Variants in METTL4 observed in about 807,000 individuals in gnomAD.
The protein encoded by METTL4 is methyltransferase 4, N6-adenosine.
In METTL4, 40 loss-of-function variants were observed where a neutral mutation model predicts 54.0. The ratio of observed to expected loss-of-function variants is 0.74; its 90% confidence interval spans 0.58 to 0.96. The LOEUF (loss-of-function observed/expected upper bound fraction) is 0.96, where lower values mean the gene tolerates loss of function less well. Ranked by LOEUF, METTL4 falls within the 50% of genes least tolerant of loss-of-function variation. METTL4 has a pLI of 0.00. For missense variants in METTL4, 525 were observed against 549.0 expected, an observed-to-expected ratio of 0.96 and a Z score of 0.44; for synonymous variants, 169 against 183.8, an observed-to-expected ratio of 0.92 and a Z score of 0.65.
chr18:2,552,716 T>G lies in METTL4; in HGVS notation c.878A>C (p.Lys293Thr). ...VIVIDPPWQN[K>T]SVKRSNRYSY... ...TTACCTATTACTTCTTTTAACTGATTTGTTCTGCCATGGTGGATCTATCAC... is the reference window on the plus strand; with the variant it reads ...TTACCTATTACTTCTTTTAACTGATGTGTTCTGCCATGGTGGATCTATCAC... The change falls in exon 5 of 9, where the codon AAA (lysine) becomes ACA (threonine). Residue 293 changes from lysine (K) to threonine (T), a missense_variant. Physicochemically the swap from Lys to Thr is moderately conservative, Grantham distance 78. Transcript: ENST00000574538. 6.2e-7 allele frequency: 1 copy of G among 1,611,296 alleles called. No homozygotes were observed. Among genetic ancestry groups the G allele is most frequent in the Non-Finnish European group, 8.5e-7 (1 of 1,178,914 alleles).
In METTL4 at chr18:2,552,755, G is replaced by A. The variant is rs1343109513; in HGVS notation, c.839C>T (p.Thr280Ile). 31 of 1,607,862 alleles carry A rather than the reference G, an allele frequency of 1.9e-5. No homozygotes were observed. The highest frequency in any genetic ancestry group is 2.4e-5 in the Non-Finnish European group (28 of 1,176,276). The stretch of plus-strand genomic sequence containing the variant: ...TGGATCTATCACAATTACATCAAAT[G>A]TTTTCCTATCTGAAAACAAAGATAC... The part of the protein sequence containing the change: ...CMQPLLNYRK[T>I]FDVIVIDPPW... The change falls in exon 5 of 9, where the codon ACA (threonine) becomes ATA (isoleucine). Residue 280 changes from threonine (T) to isoleucine (I), a missense_variant. Coordinates refer to ENST00000574538, the MANE Select transcript of METTL4 (RefSeq NM_022840.5).
At position 2,538,849 on chromosome 18, in the gene METTL4, G is replaced by A. The variant is rs1490658296; in HGVS notation, c.*151C>T. The A allele has an allele frequency of 1.0e-5, 7 of 683,290 alleles. No homozygotes were observed. Among genetic ancestry groups the A allele is most frequent in the Non-Finnish European group, 1.7e-5 (7 of 414,388 alleles). The allele number at this position is 683,290 out of a possible 1,614,324, so 42.3% of individuals were successfully genotyped here. ...AAAATTCATCTTAAAATTACATGAA[G>A]GCTAGTCACTTCTGGTCCCTTACTG... On this transcript the variant is annotated 3_prime_UTR_variant, in exon 9 of 9. Transcript: ENST00000574538.
Position 2,539,062 on chromosome 18 carries a change from C to T in METTL4, c.1357G>A (p.Gly453Ser). Residue 453 changes from glycine to serine, a missense_variant, in exon 9 of 9, where the codon GGC becomes AGC. By Grantham distance (56) the Gly-to-Ser change is moderately conservative. Coordinates refer to ENST00000574538, the MANE Select transcript of METTL4 (RefSeq NM_022840.5). The stretch of plus-strand genomic sequence containing the variant: ...TGCTGAAATTTGAGAACTTCATTGC[C>T]CCAACTAGTCCAACCTGGCTGTAAA... The part of the protein sequence containing the change: ...RNLQPGWTSW[G>S]NEVLKFQHVD... 2.5e-6 allele frequency: 4 copies of T among 1,613,908 alleles called. No individual in the cohort carries two copies. The highest frequency in any genetic ancestry group is 3.4e-6 in the Non-Finnish European group (4 of 1,179,878).
intron 5 of METTL4, among the ~76,000 whole-genome samples, chr18:2,549,593 A>G (rs7235834): frequency 0.16 from 25,016 of 152,066 alleles, 2,432 homozygotes; most frequent in South Asian, 0.28. Context: ...CTCTGAAAAA[A>G]GTAAATGACT....
At chr18:2,551,963 G>C (rs1378354219) in intron 5 of METTL4, among the ~76,000 whole-genome samples, 1 of 152,156 alleles carries the variant, frequency 6.6e-6, no homozygotes. Context: ...GGGAGGCCGA[G>C]GCAGACAGAT....
At chr18:2,568,287 G>A (rs2072451037) in intron 1 of METTL4, 1 of 152,218 alleles carries the variant, frequency 6.6e-6, no homozygotes, top group South Asian at 2.1e-4. Flanking sequence ...ATTCATGTCT[G>A]TACAATGAAT....
chr18:2,544,561 A>G, intron 7 of METTL4, 92 bp downstream of exon 7: 1 of 867,236 alleles, frequency 1.2e-6, no homozygotes, highest in Non-Finnish European at 1.8e-6. Flanking sequence ...TTTCAAAAAC[A>G]TAAACATTTT....
At chr18:2,551,513 C>T (rs9952021) in intron 5 of METTL4, among the ~76,000 whole-genome samples, 11,044 of 151,874 alleles carry the variant, frequency 0.073, 691 homozygotes, top group African/African-American at 0.17. Context: ...CTGGGCAACA[C>T]AGCAAGACAC....
chr18:2,557,364 G>GC (rs1463111428), intron 3 of METTL4, among the ~76,000 whole-genome samples: 4 of 152,134 alleles, frequency 2.6e-5, no homozygotes, highest in Non-Finnish European at 5.9e-5. Flanking sequence ...CAAGAATAGT[G>GC]CCTGTTTCCA....
intron 1 of METTL4, among the ~76,000 whole-genome samples, chr18:2,569,839 T>C (rs2072476067): frequency 6.6e-6 from 1 of 152,240 alleles, no homozygotes; most frequent in Admixed American, 6.5e-5. Context: ...GACACTTCTT[T>C]GCTTTGACCA....
chr18:2,564,125 C>T (rs1385543924), intron 2 of METTL4, among the ~76,000 whole-genome samples: 1 of 151,930 alleles, frequency 6.6e-6, no homozygotes. Context: ...TAGTTCTGGC[C>T]GGGCACGGTG....
chr18:2,555,161 C>G, intron 3 of METTL4, 123 bp from the exon 4 acceptor site: 2 of 1,022,654 alleles, frequency 2.0e-6, no homozygotes, highest in Non-Finnish European at 1.4e-6. Flanking sequence ...TAAAATAATT[C>G]TGTACTACAA....
At chr18:2,553,036 AATG>A (rs2072186532) in intron 4 of METTL4, 1 of 302,736 alleles carries the variant, frequency 3.3e-6, no homozygotes, top group African/African-American at 2.2e-5. Flanking sequence ...GCTGAACACT[AATG>A]ATCTGTGAAT....
rs769707696 is a variant in METTL4, at chr18:2,544,733, G to C, written c.1101C>G (p.Phe367Leu). ...VKITNSGEFV[F>L]PLDSPHKKPY... Reference sequence around the variant, plus strand: ...GCTTTTTGTGTGGAGAATCTAATGGGAACACAAATTCTCCTGAATTGGTTA... The same window carrying C: ...GCTTTTTGTGTGGAGAATCTAATGGCAACACAAATTCTCCTGAATTGGTTA... The change falls in exon 7 of 9, where the codon TTC (phenylalanine) becomes TTG (leucine). Residue 367 changes from phenylalanine to leucine, a missense_variant. Physicochemically the swap from Phe to Leu is conservative, Grantham distance 22. Transcript: ENST00000574538. 4 of 1,612,196 alleles carry C rather than the reference G, an allele frequency of 2.5e-6. No homozygotes were observed. The African/African-American group carries it at 5.4e-5, about 22-fold the overall frequency.
chr18:2,552,684 T>C lies in METTL4; in HGVS notation c.899+11A>G, dbSNP rs527620829. On this transcript the variant is annotated intron_variant, in intron 5 of 8. Coordinates refer to ENST00000574538, the MANE Select transcript of METTL4 (RefSeq NM_022840.5). Reference sequence around the variant, plus strand: ...TTTTTTTAGAAAGCAAATGCTTTCATTTCCACTTACCTATTACTTCTTTTA... The same window carrying C: ...TTTTTTTAGAAAGCAAATGCTTTCACTTCCACTTACCTATTACTTCTTTTA... The C allele has an allele frequency of 6.3e-7, 1 of 1,596,170 alleles. No homozygotes were observed. The highest frequency in any genetic ancestry group is 2.2e-5 in the East Asian group (1 of 44,668).
At position 2,567,273 on chromosome 18, in the gene METTL4, C is replaced by T; in HGVS notation, c.-57G>A. Reference sequence around the variant, plus strand: ...GGAACTAGAATGAAAATCCAACTTTCCAGATCAGCTTCTTAAATATCTTGT... The same window carrying T: ...GGAACTAGAATGAAAATCCAACTTTTCAGATCAGCTTCTTAAATATCTTGT... On this transcript the variant is annotated 5_prime_UTR_variant, in exon 2 of 9. Coordinates refer to ENST00000574538, the MANE Select transcript of METTL4 (RefSeq NM_022840.5). 1 of 1,460,900 alleles carries T rather than the reference C, an allele frequency of 6.8e-7. No homozygotes were observed. Among genetic ancestry groups the T allele is most frequent in the Non-Finnish European group, 9.2e-7 (1 of 1,085,102 alleles). The allele number at this position is 1,460,900 out of a possible 1,614,324, so 90.5% of individuals were successfully genotyped here.
At chr18:2,544,488 A>T (rs1203378348) in intron 7 of METTL4, among the ~76,000 whole-genome samples, 165 bp downstream of exon 7, 3 of 151,856 alleles carry the variant, frequency 2.0e-5, no homozygotes, top group Non-Finnish European at 4.4e-5. Context: ...ACACTAGATA[A>T]AACAAAATAT....
intron 5 of METTL4, among the ~76,000 whole-genome samples, chr18:2,550,947 G>A (rs886633784): frequency 4.0e-5 from 6 of 151,636 alleles, no homozygotes; most frequent in Admixed American, 6.6e-5. Flanking sequence ...GGCGGATCAC[G>A]AGGTCAGGAG....
intron 6 of METTL4, 34 bp downstream of exon 6, chr18:2,547,321 C>A: frequency 6.7e-7 from 1 of 1,485,578 alleles, no homozygotes; most frequent in South Asian, 1.4e-5. Flanking sequence ...TTCTATCAAG[C>A]TGTATTAACA....
Sources: gnomAD v4.1 joint callset for allele counts (sites outside exome capture counted in the v4.1 genomes callset) on GRCh38, gnomAD v4.1.1 for gene constraint, MANE v1.5 for transcripts, NCBI Gene and HGNC (gene_info 2026-07-23, HGNC 2026-07-21) for gene names.